The following CADPS variants were observed in gnomAD, a reference collection of about 807,000 sequenced individuals.
CADPS encodes the protein calcium dependent secretion activator, also known as calcium-dependent secretion activator 1.
Under a neutral mutation model 167.3 loss-of-function variants are expected in CADPS, and 57 were observed. That is an observed-to-expected ratio of 0.34 (90% CI 0.28 to 0.42). CADPS has a LOEUF of 0.42. Ranked by LOEUF, CADPS falls within the 20% of genes least tolerant of loss-of-function variation. The pLI is 1.00. For missense variants in CADPS, 1,414 were observed against 1,738.1 expected, an observed-to-expected ratio of 0.81 and a Z score of 3.32; for synonymous variants, 676 against 635.3, an observed-to-expected ratio of 1.06 and a Z score of -0.96.
At chr3:62,437,539 G>A (rs1391508083) in intron 28 of CADPS, among the ~76,000 whole-genome samples, 1 of 152,042 alleles carries the variant, frequency 6.6e-6, no homozygotes, top group Non-Finnish European at 1.5e-5. Context: ...TGGGTGGGCA[G>A]GGGGCGCCAT....
intron 1 of CADPS, among the ~76,000 whole-genome samples, chr3:62,771,627 C>G (rs552540603): frequency 1.3e-5 from 2 of 152,228 alleles, no homozygotes; most frequent in South Asian, 4.2e-4. Flanking sequence ...CATCTAAAAG[C>G]ATTTAATATG....
chr3:62,677,680 A>T (rs182256351), intron 3 of CADPS, among the ~76,000 whole-genome samples: 2 of 152,232 alleles, frequency 1.3e-5, no homozygotes, highest in Admixed American at 1.3e-4. Context: ...TGCCCTGACA[A>T]CATTTGATTA....
chr3:62,725,485 C>T (rs1411069662), intron 3 of CADPS, among the ~76,000 whole-genome samples: 2 of 152,152 alleles, frequency 1.3e-5, no homozygotes, highest in African/African-American at 4.8e-5. Context: ...TGGGTTTGAA[C>T]CCTGGCTCTT....
chr3:62,504,313 TG>T (rs2066255059), intron 17 of CADPS, among the ~76,000 whole-genome samples: 1 of 152,238 alleles, frequency 6.6e-6, no homozygotes. Flanking sequence ...TTGTATATTT[TG>T]TTAAAATCTG....
intron 26 of CADPS, among the ~76,000 whole-genome samples, chr3:62,457,333 A>G (rs2150202234): frequency 6.6e-6 from 1 of 152,336 alleles, no homozygotes; most frequent in Admixed American, 6.5e-5. Flanking sequence ...GCAGAACTGG[A>G]AAAATAAGAA....
intron 1 of CADPS, among the ~76,000 whole-genome samples, chr3:62,868,915 G>T (rs1401557979): frequency 6.6e-6 from 1 of 152,112 alleles, no homozygotes; most frequent in Non-Finnish European, 1.5e-5. Flanking sequence ...GAGAGATTTA[G>T]AAATTATCCC....
At chr3:62,476,069 C>A (rs1293528554) in intron 23 of CADPS, among the ~76,000 whole-genome samples, 2 of 152,124 alleles carry the variant, frequency 1.3e-5, no homozygotes, top group African/African-American at 4.8e-5. Flanking sequence ...GACAGCATGC[C>A]TTGTTTTGTG....
intron 1 of CADPS, among the ~76,000 whole-genome samples, chr3:62,772,911 A>C (rs772449634): frequency 1.3e-5 from 2 of 152,214 alleles, no homozygotes; most frequent in Non-Finnish European, 2.9e-5. Context: ...CACATAAATT[A>C]GGTCCTTTTC....
intron 27 of CADPS, among the ~76,000 whole-genome samples, chr3:62,441,349 G>C (rs748524369): frequency 2.6e-5 from 4 of 152,152 alleles, no homozygotes; most frequent in Non-Finnish European, 5.9e-5. Context: ...CTGTGGCTCA[G>C]AAAAAGAAGA....
Position 62,630,100 on chromosome 3 carries a change from G to A in CADPS, c.1325+15622C>T, listed in dbSNP as rs1293777505. 3.9e-5 allele frequency among the ~76,000 whole-genome samples: 6 copies of A among 152,176 alleles called. No homozygotes were observed. In the South Asian group the frequency reaches 1.0e-3, roughly 26 times the overall value. ...CCACTAGAATATAGGGTTGCTGAGG[G>A]TGGAGACTGTGTCTGTCTTGCTAAT... On this transcript the variant is annotated intron_variant, in intron 6 of 29. Transcript: ENST00000383710.
At chr3:62,697,151 G>T (rs1267511664) in intron 3 of CADPS, among the ~76,000 whole-genome samples, 3 of 152,022 alleles carry the variant, frequency 2.0e-5, no homozygotes, top group Non-Finnish European at 4.4e-5. Flanking sequence ...GGAACACGTG[G>T]TGTTTGTTTA....
chr3:62,782,436 C>A (rs932578153), intron 1 of CADPS, among the ~76,000 whole-genome samples: 1 of 152,200 alleles, frequency 6.6e-6, no homozygotes, highest in African/African-American at 2.4e-5. Context: ...CCTTTTGGAG[C>A]TACCATTCTA....
intron 2 of CADPS, among the ~76,000 whole-genome samples, chr3:62,763,034 G>A (rs74872671): frequency 0.015 from 2,239 of 152,164 alleles, 22 homozygotes; most frequent in East Asian, 0.045. Flanking sequence ...TATATTCCCC[G>A]TTTTGGTAAA....
intron 1 of CADPS, among the ~76,000 whole-genome samples, chr3:62,840,572 T>C (rs575055457): frequency 6.6e-6 from 1 of 152,262 alleles, no homozygotes; most frequent in South Asian, 2.1e-4. Flanking sequence ...CTTTTTTATA[T>C]ATGTATATAT....
rs1363534287 is a variant in CADPS at position 62,875,066 on chromosome 3, G to T, written c.-37C>A. On this transcript the variant is annotated 5_prime_UTR_variant, in exon 1 of 30. Transcript: ENST00000383710. ...GGGAGCGGGGTCTCTGGAGCCCCCG[G>T]CTTGGAGTGCAAAAGGTGGGGGGCG... is the stretch of plus-strand genomic sequence containing the variant. 2 of 1,549,718 alleles carry T rather than the reference G, an allele frequency of 1.3e-6. No individual in the cohort carries two copies. Among genetic ancestry groups the T allele is most frequent in the East Asian group, 2.6e-5 (1 of 38,656 alleles).
At chr3:62,426,964 A>G (rs562438331) in intron 28 of CADPS, among the ~76,000 whole-genome samples, 1 of 151,964 alleles carries the variant, frequency 6.6e-6, no homozygotes, top group African/African-American at 2.4e-5. Context: ...AGTCCCAGCT[A>G]CTAGGGAGGC....
chr3:62,869,236 G>T (rs550538490), intron 1 of CADPS, among the ~76,000 whole-genome samples: 2 of 151,900 alleles, frequency 1.3e-5, no homozygotes, highest in African/African-American at 2.4e-5. Context: ...TCATCATCTA[G>T]CTTTTTTCAT....
intron 2 of CADPS, among the ~76,000 whole-genome samples, chr3:62,765,435 T>C (rs928942804): frequency 1.3e-5 from 2 of 152,124 alleles, no homozygotes; most frequent in Non-Finnish European, 2.9e-5. Context: ...GAAGCCACCA[T>C]CCTTGGGAGG....
intron 1 of CADPS, among the ~76,000 whole-genome samples, chr3:62,769,927 A>G (rs2088119126): frequency 6.6e-6 from 1 of 152,168 alleles, no homozygotes; most frequent in African/African-American, 2.4e-5. Flanking sequence ...TGCTAAAAAG[A>G]TGAAAAGGAA....
Sources: gnomAD v4.1 joint callset for allele counts (sites outside exome capture counted in the v4.1 genomes callset) on GRCh38, gnomAD v4.1.1 for gene constraint, MANE v1.5 for transcripts, NCBI Gene and HGNC (gene_info 2026-07-23, HGNC 2026-07-21) for gene names.